FHIT: variants seen among roughly 807,000 people sequenced by gnomAD.
The protein encoded by FHIT is bis(5'-adenosyl)-triphosphatase.
A neutral mutation model predicts 17.9 loss-of-function variants in FHIT; 19 were observed. That is an observed-to-expected ratio of 1.06 (90% CI 0.74 to 1.56). The LOEUF is 1.56. Among genes scored for constraint, FHIT ranks in the 40% most tolerant of loss-of-function variants. The pLI, the probability that FHIT is intolerant of heterozygous loss-of-function variation, is 0.00. For missense variants in FHIT, 248 were observed against 189.2 expected, an observed-to-expected ratio of 1.31 and a Z score of -1.82; for synonymous variants, 81 against 69.7, an observed-to-expected ratio of 1.16 and a Z score of -0.81.
chr3:59,837,384 A>G (rs1701375341), intron 8 of FHIT, among the ~76,000 whole-genome samples: 1 of 152,216 alleles, frequency 6.6e-6, no homozygotes, highest in Non-Finnish European at 1.5e-5. Flanking sequence ...CTAATACAAT[A>G]TAAATGCTAC....
At chr3:59,984,660 C>G (rs1298691670) in intron 7 of FHIT, among the ~76,000 whole-genome samples, 2 of 152,034 alleles carry the variant, frequency 1.3e-5, no homozygotes, top group Non-Finnish European at 2.9e-5. Flanking sequence ...AGGCACACAG[C>G]CTTGGCTAAT....
intron 3 of FHIT, among the ~76,000 whole-genome samples, chr3:60,928,932 A>G (rs1553770847): frequency 6.6e-6 from 1 of 152,224 alleles, no homozygotes; most frequent in African/African-American, 2.4e-5. Context: ...TTTTAGACCA[A>G]TATCCCTGAT....
At chr3:60,596,891 C>T (rs113982909) in intron 4 of FHIT, among the ~76,000 whole-genome samples, 3 of 152,194 alleles carry the variant, frequency 2.0e-5, no homozygotes, top group African/African-American at 4.8e-5. Context: ...GTATTGTCCC[C>T]CTGTGCTGTT....
intron 5 of FHIT, among the ~76,000 whole-genome samples, chr3:60,110,939 C>T (rs1272265611): frequency 1.3e-5 from 2 of 152,166 alleles, no homozygotes; most frequent in African/African-American, 4.8e-5. Flanking sequence ...TTTCTCTACT[C>T]TGCCTGTCCC....
chr3:61,120,605 C>T (rs369831811), intron 2 of FHIT, among the ~76,000 whole-genome samples: 1 of 152,134 alleles, frequency 6.6e-6, no homozygotes, highest in Non-Finnish European at 1.5e-5. Flanking sequence ...CCCCAACCAA[C>T]CACTGGTAGG....
intron 7 of FHIT, among the ~76,000 whole-genome samples, chr3:59,972,961 A>G (rs1250070348): frequency 2.0e-5 from 3 of 151,910 alleles, no homozygotes; most frequent in Non-Finnish European, 4.4e-5. Context: ...CCTCAACCCC[A>G]TTCTCAATCT....
At chr3:60,737,306 G>T (rs2042153888) in intron 4 of FHIT, among the ~76,000 whole-genome samples, 1 of 152,186 alleles carries the variant, frequency 6.6e-6, no homozygotes, top group Admixed American at 6.5e-5. Context: ...AATGTAATTA[G>T]TATTCTTCTT....
chr3:60,146,036 C>A (rs1576197835), intron 5 of FHIT, among the ~76,000 whole-genome samples: 1 of 152,230 alleles, frequency 6.6e-6, no homozygotes, highest in East Asian at 1.9e-4. Flanking sequence ...ATTTTCTAAT[C>A]TACACCATAA....
chr3:60,117,803 G>GAA (rs71089581), intron 5 of FHIT, among the ~76,000 whole-genome samples: 5 of 150,848 alleles, frequency 3.3e-5, no homozygotes, highest in Non-Finnish European at 7.4e-5. Flanking sequence ...CAGTGAAAAG[G>GAA]AAAAAAAAAT....
chr3:61,126,617 A>G (rs2036614895), intron 2 of FHIT, among the ~76,000 whole-genome samples: 1 of 152,174 alleles, frequency 6.6e-6, no homozygotes, highest in African/African-American at 2.4e-5. Context: ...CCCTCAACAC[A>G]TGGGGATTAT....
chr3:60,539,607 A>G (rs958354073), intron 4 of FHIT, among the ~76,000 whole-genome samples: 1 of 152,244 alleles, frequency 6.6e-6, no homozygotes, highest in Non-Finnish European at 1.5e-5. Flanking sequence ...AATACTATGC[A>G]GCCATAAAAA....
At chr3:60,782,129 C>A (rs1700411516) in intron 4 of FHIT, among the ~76,000 whole-genome samples, 1 of 152,006 alleles carries the variant, frequency 6.6e-6, no homozygotes, top group Non-Finnish European at 1.5e-5. Context: ...TCTTTGCTAG[C>A]TTAGCTGACT....
chr3:60,026,330 T>A lies in FHIT; in HGVS notation c.104-12178A>T, dbSNP rs572425621. ...ATGGTTGGTTTAGAAAAAAAAAAAA[T>A]AGTCAATGGAAATGAAATCCTTCAA... On this transcript the variant is annotated intron_variant, in intron 5 of 9. Transcript: ENST00000492590. Among the ~76,000 whole-genome samples the A allele has an allele frequency of 2.3e-3, 320 of 141,534 alleles. 1 individual carries two copies. The highest frequency in any genetic ancestry group is 7.8e-3 in the African/African-American group (291 of 37,482). 92.9% of individuals were successfully genotyped at this position (141,534 alleles called of 152,430 possible).
At chr3:61,144,232 C>T (rs1481449522) in intron 2 of FHIT, among the ~76,000 whole-genome samples, 1 of 152,182 alleles carries the variant, frequency 6.6e-6, no homozygotes, top group Non-Finnish European at 1.5e-5. Flanking sequence ...TATTAATCCA[C>T]TAATCTACTA....
intron 5 of FHIT, among the ~76,000 whole-genome samples, chr3:60,417,692 G>C (rs898045555): frequency 1.3e-5 from 2 of 152,120 alleles, no homozygotes; most frequent in Non-Finnish European, 2.9e-5. Context: ...GAATGTTCCC[G>C]GGGCTCTGAT....
intron 2 of FHIT, among the ~76,000 whole-genome samples, chr3:61,180,330 A>G (rs1359311478): frequency 6.6e-6 from 1 of 152,224 alleles, no homozygotes; most frequent in African/African-American, 2.4e-5. Flanking sequence ...CAGCTCATTA[A>G]CAATTGCGTT....
At chr3:60,034,987 C>G (rs1185153279) in intron 5 of FHIT, among the ~76,000 whole-genome samples, 1 of 152,054 alleles carries the variant, frequency 6.6e-6, no homozygotes, top group Non-Finnish European at 1.5e-5. Flanking sequence ...GATATTTTTC[C>G]CAATGCCTCT....
chr3:59,896,828 G>A (rs972152446), intron 8 of FHIT, among the ~76,000 whole-genome samples: 6 of 152,056 alleles, frequency 3.9e-5, no homozygotes, highest in Admixed American at 2.6e-4. Context: ...AAGAATACGA[G>A]TATGACATTA....
chr3:60,129,414 T>G (rs1427836559), intron 5 of FHIT, among the ~76,000 whole-genome samples: 1 of 152,230 alleles, frequency 6.6e-6, no homozygotes, highest in East Asian at 1.9e-4. Flanking sequence ...TTCCTCTGAA[T>G]GAATTCAACA....
Sources: allele counts gnomAD v4.1 joint callset (sites outside exome capture counted in the v4.1 genomes callset), GRCh38; gene constraint gnomAD v4.1.1; transcripts MANE v1.5; gene names NCBI Gene and HGNC (gene_info 2026-07-23, HGNC 2026-07-21).